MSR1: variants seen among roughly 807,000 people sequenced by gnomAD.
MSR1 encodes macrophage scavenger receptor types I and II.
In MSR1, 53 loss-of-function variants were observed where a neutral mutation model predicts 47.2. The observed-to-expected ratio is 1.12, with a 90% CI of 0.90 to 1.41. The LOEUF is 1.41. Among genes scored for constraint, MSR1 ranks in the 40% most tolerant of loss-of-function variants. The pLI is 0.00. For missense variants in MSR1, 786 were observed against 546.9 expected (o/e 1.44, Z -4.36); for synonymous variants, 239 against 185.6 (o/e 1.29, Z -2.34).
At chr8:16,175,972 A>C in intron 2 of MSR1, among the ~76,000 whole-genome samples, 1 of 152,176 alleles carries the variant, frequency 6.6e-6, no homozygotes, top group East Asian at 1.9e-4. Flanking sequence ...TGATTTATAT[A>C]ATGGGATATT....
chr8:16,120,793 A>C (rs544859937), intron 8 of MSR1, 187 bp from the exon 9 acceptor site: 2 of 742,590 alleles, frequency 2.7e-6, no homozygotes, highest in South Asian at 3.9e-5. Flanking sequence ...TTAACTGCAA[A>C]TATTGCAGCT....
At chr8:16,162,535 T>G (rs1386284217) in intron 5 of MSR1, among the ~76,000 whole-genome samples, 2 of 152,024 alleles carry the variant, frequency 1.3e-5, no homozygotes, top group East Asian at 3.9e-4. Context: ...GGTGCAGGGT[T>G]AAATAATTTA....
chr8:16,162,102 A>T (rs1801179258), intron 5 of MSR1, among the ~76,000 whole-genome samples: 1 of 152,054 alleles, frequency 6.6e-6, no homozygotes, highest in South Asian at 2.1e-4. Context: ...AGTACAGCAA[A>T]TGTTAGATGG....
In MSR1 at chr8:16,129,243, T is replaced by C. The variant is rs190722753; in HGVS notation, c.1034-8637A>G. ...TTTTGCTAAATAATTCACATTAGAA[T>C]TCCTTTATATAGGTCCCTAAAATAC... On this transcript the variant is annotated intron_variant, in intron 8 of 9. Coordinates refer to ENST00000262101, the MANE Select transcript of MSR1 (RefSeq NM_138715.3). Among the ~76,000 whole-genome samples the C allele has an allele frequency of 1.4e-3, 215 of 152,272 alleles. 2 individuals carry two copies. Among genetic ancestry groups the C allele is most frequent in the Admixed American group, 1.4e-3 (22 of 15,288 alleles).
At chr8:16,167,001 T>A (rs553248707) in intron 4 of MSR1, among the ~76,000 whole-genome samples, 14 of 152,030 alleles carry the variant, frequency 9.2e-5, no homozygotes, top group Non-Finnish European at 1.3e-4. Flanking sequence ...AGTTTCTAAG[T>A]CTCTGTGAGT....
chr8:16,177,191 A>G (rs1034322096), intron 2 of MSR1, among the ~76,000 whole-genome samples: 1 of 152,178 alleles, frequency 6.6e-6, no homozygotes, highest in Non-Finnish European at 1.5e-5. Flanking sequence ...AGTTTTAACC[A>G]TAGGTACCAG....
At chr8:16,134,121 A>AAGGCAT (rs1260453757) in intron 8 of MSR1, among the ~76,000 whole-genome samples, 1 of 152,128 alleles carries the variant, frequency 6.6e-6, no homozygotes, top group Non-Finnish European at 1.5e-5. Context: ...TGTGCCTATA[A>AAGGCAT]ACTTTTCATA....
chr8:16,128,796 C>A (rs1275984835), intron 8 of MSR1, among the ~76,000 whole-genome samples: 1 of 151,784 alleles, frequency 6.6e-6, no homozygotes, highest in African/African-American at 2.4e-5. Context: ...TCACTTTGTC[C>A]CTAAAACACC....
rs533172865 is a variant in MSR1 at position 16,145,227 on chromosome 8, T to C, written c.980-1616A>G. ...TCATTTCTTAATTGTAATTGAGTTG[T>C]TTCAGGTACTGCTAAATTGGCAAAA... On this transcript the variant is annotated intron_variant, in intron 7 of 9. Coordinates refer to ENST00000262101, the MANE Select transcript of MSR1 (RefSeq NM_138715.3). Among the ~76,000 whole-genome samples, 3 of 152,100 alleles carry C rather than the reference T, an allele frequency of 2.0e-5. 1 individual carries two copies. Among genetic ancestry groups the C allele is most frequent in the Non-Finnish European group, 4.4e-5 (3 of 67,986 alleles).
intron 1 of MSR1, among the ~76,000 whole-genome samples, chr8:16,187,364 C>CAAAAAAAAAAAAAAAAAAAAA (rs751848634): frequency 2.8e-5 from 1 of 35,414 alleles, no homozygotes; most frequent in African/African-American, 1.2e-4. Context: ...ACTCTGTCTC[C>CAAAAAAAAAAAAAAAAAAAAA]AAAAAAAAAA....
At chr8:16,119,568 T>C (rs1228978137) in intron 9 of MSR1, among the ~76,000 whole-genome samples, 1 of 152,100 alleles carries the variant, frequency 6.6e-6, no homozygotes, top group African/African-American at 2.4e-5. Context: ...AAGGATGTGA[T>C]TGTGACCTAT....
Position 16,164,116 on chromosome 8 carries a change from G to T in MSR1, c.766C>A (p.Leu256Met). Residue 256 changes from leucine (L) to methionine (M), a missense_variant, in exon 5 of 10, where the codon CTG becomes ATG. Leu to Met is a conservative substitution (Grantham distance 15). Coordinates refer to ENST00000262101, the MANE Select transcript of MSR1 (RefSeq NM_138715.3). ...VLNNITNDLR[L>M]KDWEHSQTLR... Reference sequence around the variant, plus strand: ...GTCTGAGAATGTTCCCAATCTTTCAGTCTGAGATCATTAGTGATGTTATTC... The same window carrying T: ...GTCTGAGAATGTTCCCAATCTTTCATTCTGAGATCATTAGTGATGTTATTC... The T allele has an allele frequency of 6.2e-7, 1 of 1,611,558 alleles. No homozygotes were observed. The highest frequency in any genetic ancestry group is 8.5e-7 in the Non-Finnish European group (1 of 1,178,424).
intron 5 of MSR1, among the ~76,000 whole-genome samples, chr8:16,163,428 T>C (rs1801216207): frequency 6.6e-6 from 1 of 151,270 alleles, no homozygotes; most frequent in Admixed American, 6.6e-5. Context: ...AATCAAAATA[T>C]AGAAAATCAA....
intron 4 of MSR1, among the ~76,000 whole-genome samples, chr8:16,166,950 C>A (rs1467128838): frequency 1.3e-5 from 2 of 151,912 alleles, no homozygotes; most frequent in African/African-American, 4.8e-5. Context: ...CACACACACA[C>A]ACACACACAC....
At chr8:16,162,316 T>C (rs886655474) in intron 5 of MSR1, among the ~76,000 whole-genome samples, 5 of 151,874 alleles carry the variant, frequency 3.3e-5, no homozygotes, top group African/African-American at 9.7e-5. Flanking sequence ...ATTTCAAAGA[T>C]CAAGTCAAAA....
chr8:16,187,659 A>G (rs572484972), intron 1 of MSR1, among the ~76,000 whole-genome samples: 2 of 152,270 alleles, frequency 1.3e-5, no homozygotes, highest in Non-Finnish European at 1.5e-5. Flanking sequence ...AATTACATAA[A>G]TAAATGAAAG....
chr8:16,151,489 T>G (rs1347962238), intron 6 of MSR1, among the ~76,000 whole-genome samples: 1 of 152,084 alleles, frequency 6.6e-6, no homozygotes, highest in African/African-American at 2.4e-5. Context: ...CAAAATGTAG[T>G]CCCCAAAATG....
intron 8 of MSR1, among the ~76,000 whole-genome samples, chr8:16,129,548 C>A (rs566929617): frequency 2.6e-5 from 4 of 152,130 alleles, no homozygotes; most frequent in South Asian, 4.2e-4. Context: ...CAGTTAGAGA[C>A]CAGCCTGGGC....
chr8:16,188,030 G>A (rs1253064251), intron 1 of MSR1, among the ~76,000 whole-genome samples: 1 of 152,064 alleles, frequency 6.6e-6, no homozygotes, highest in Non-Finnish European at 1.5e-5. Flanking sequence ...CCACAGTTAG[G>A]ACAAAAAGTA....
Sources: gnomAD v4.1 joint callset for allele counts (sites outside exome capture counted in the v4.1 genomes callset) on GRCh38, gnomAD v4.1.1 for gene constraint, MANE v1.5 for transcripts, NCBI Gene and HGNC (gene_info 2026-07-23, HGNC 2026-07-21) for gene names.